GRAMD2B: variants seen among roughly 807,000 people sequenced by gnomAD.
GRAMD2B encodes the protein GRAM domain-containing protein 2B.
Under a neutral mutation model 59.2 loss-of-function variants are expected in GRAMD2B, and 41 were observed. The ratio of observed to expected loss-of-function variants is 0.69; its 90% CI spans 0.54 to 0.90. The LOEUF (loss-of-function observed/expected upper bound fraction) is 0.90, where lower values mean the gene tolerates loss of function less well. GRAMD2B is among the 40% of genes least tolerant of loss of function. The pLI, the probability that GRAMD2B is intolerant of heterozygous loss-of-function variation, is 0.00. For synonymous variants in GRAMD2B, 161 were observed against 182.7 expected (o/e 0.88, Z 0.96); for missense variants, 424 against 500.5 (o/e 0.85, Z 1.46).
At chr5:126,476,010 A>G (rs1455544481) in intron 5 of GRAMD2B, among the ~76,000 whole-genome samples, 1 of 152,080 alleles carries the variant, frequency 6.6e-6, no homozygotes, top group African/African-American at 2.4e-5. Flanking sequence ...AGGGAGGCTG[A>G]GGCAGGAGAA....
intron 1 of GRAMD2B, among the ~76,000 whole-genome samples, chr5:126,371,769 T>A (rs1388294093): frequency 6.6e-6 from 1 of 152,194 alleles, no homozygotes; most frequent in Non-Finnish European, 1.5e-5. Flanking sequence ...CAAATAGAAC[T>A]ATTATTACTA....
intron 1 of GRAMD2B, among the ~76,000 whole-genome samples, chr5:126,430,627 A>G (rs540768080): frequency 6.6e-6 from 1 of 152,318 alleles, no homozygotes; most frequent in African/African-American, 2.4e-5. Flanking sequence ...GCTTGATTTA[A>G]AGACAATTAG....
intron 1 of GRAMD2B, among the ~76,000 whole-genome samples, chr5:126,429,286 A>G (rs115654863): frequency 6.6e-6 from 1 of 152,154 alleles, no homozygotes; most frequent in Non-Finnish European, 1.5e-5. Flanking sequence ...TGCAGGAACA[A>G]AAAACGAAAT....
chr5:126,455,838 A>C (rs1009796958), intron 1 of GRAMD2B, among the ~76,000 whole-genome samples: 4 of 152,160 alleles, frequency 2.6e-5, no homozygotes, highest in African/African-American at 9.7e-5. Flanking sequence ...TCTTCCACAC[A>C]ACTTCTCTGA....
chr5:126,419,400 T>C (rs1182306878), upstream of GRAMD2B, among the ~76,000 whole-genome samples: 1 of 152,034 alleles, frequency 6.6e-6, no homozygotes, highest in Admixed American at 6.5e-5. Context: ...GAGAACTCTA[T>C]CACAAGACAG....
At chr5:126,373,312 A>T (rs921854910) in intron 1 of GRAMD2B, among the ~76,000 whole-genome samples, 3 of 152,264 alleles carry the variant, frequency 2.0e-5, no homozygotes, top group Non-Finnish European at 4.4e-5. Context: ...AGATAAAAAA[A>T]TAAGACCAGG....
At chr5:126,447,551 C>A (rs13174560) in intron 1 of GRAMD2B, among the ~76,000 whole-genome samples, 31,927 of 151,686 alleles carry the variant, frequency 0.21, 3,522 homozygotes, top group Non-Finnish European at 0.25. Flanking sequence ...GTAGTCCCAG[C>A]TACTCAGGAG....
intron 1 of GRAMD2B, among the ~76,000 whole-genome samples, chr5:126,396,248 G>A (rs28872483): frequency 6.6e-6 from 1 of 152,092 alleles, no homozygotes; most frequent in Admixed American, 6.5e-5. Flanking sequence ...TGACATGGGG[G>A]TTTGTTGTAC....
intron 3 of GRAMD2B, among the ~76,000 whole-genome samples, chr5:126,470,427 A>G (rs1338108533): frequency 6.6e-6 from 1 of 152,256 alleles, no homozygotes; most frequent in Non-Finnish European, 1.5e-5. Context: ...TATGAAATGT[A>G]TTAAAATATT....
At chr5:126,444,547 G>A (rs1244757284) in intron 1 of GRAMD2B, among the ~76,000 whole-genome samples, 2 of 152,148 alleles carry the variant, frequency 1.3e-5, no homozygotes, top group Non-Finnish European at 2.9e-5. Context: ...TTTGAGAGCT[G>A]ATTTTTGTAC....
At chr5:126,471,345 G>T (rs1450934666) in intron 3 of GRAMD2B, among the ~76,000 whole-genome samples, 1 of 152,184 alleles carries the variant, frequency 6.6e-6, no homozygotes, top group Non-Finnish European at 1.5e-5. Context: ...GAGTAGCTAG[G>T]ACTACAGGCA....
chr5:126,428,353 C>T (rs1184757578), intron 1 of GRAMD2B, among the ~76,000 whole-genome samples: 1 of 151,914 alleles, frequency 6.6e-6, no homozygotes. Context: ...AAATGGTATA[C>T]ATATTATATT....
At chr5:126,412,043 T>C (rs1758851150) in intron 1 of GRAMD2B, among the ~76,000 whole-genome samples, 2 of 152,236 alleles carry the variant, frequency 1.3e-5, no homozygotes, top group South Asian at 4.1e-4. Context: ...TATAGAATTA[T>C]ATCATCAGCA....
chr5:126,382,883 G>A (rs1042182456), intron 1 of GRAMD2B, among the ~76,000 whole-genome samples: 4 of 152,126 alleles, frequency 2.6e-5, no homozygotes, highest in African/African-American at 7.2e-5. Context: ...CCCACAGGGC[G>A]ATTCCTTGAT....
chr5:126,366,471 T>C (rs1754440813), upstream of GRAMD2B, among the ~76,000 whole-genome samples: 1 of 152,232 alleles, frequency 6.6e-6, no homozygotes, highest in Non-Finnish European at 1.5e-5. Context: ...AAGATCCTAA[T>C]CTTCATTGTC....
At position 126,472,212 on chromosome 5, in the gene GRAMD2B, ATGCTTGTATTT is replaced by A; in HGVS notation, c.316-23_316-13del. Reference sequence around the variant, plus strand: ...GTTTCACAAGAAAGTGAGAATGGTGATGCTTGTATTTTGTTCTCATTGTAGTACAAGGCCAA... The same window carrying A: ...GTTTCACAAGAAAGTGAGAATGGTGATGTTCTCATTGTAGTACAAGGCCAA... On this transcript the variant is annotated splice_polypyrimidine_tract_variant and intron_variant, in intron 3 of 13. Coordinates refer to ENST00000285689, the MANE Select transcript of GRAMD2B (RefSeq NM_023927.4). 1 of 1,567,988 alleles carries A rather than the reference ATGCTTGTATTT, an allele frequency of 6.4e-7. No individual in the cohort carries two copies. The highest frequency in any genetic ancestry group is 8.8e-7 in the Non-Finnish European group (1 of 1,141,402).
intron 1 of GRAMD2B, among the ~76,000 whole-genome samples, chr5:126,404,092 G>C (rs1758056619): frequency 6.6e-6 from 1 of 151,872 alleles, no homozygotes; most frequent in Admixed American, 6.6e-5. Context: ...CAATTGTGGT[G>C]CTATGGAAAT....
intron 9 of GRAMD2B, among the ~76,000 whole-genome samples, chr5:126,483,828 G>T (rs1335915210): frequency 6.6e-6 from 1 of 152,062 alleles, no homozygotes; most frequent in African/African-American, 2.4e-5. Flanking sequence ...CGTTGGGGTG[G>T]TTGAGAGAAA....
intron 8 of GRAMD2B, among the ~76,000 whole-genome samples, chr5:126,481,252 G>GA (rs1431609820): frequency 7.9e-6 from 1 of 126,118 alleles, no homozygotes; most frequent in Non-Finnish European, 1.7e-5. Context: ...AGAAAGAAAA[G>GA]AAAAAAAAAG....
Sources: allele counts gnomAD v4.1 joint callset (sites outside exome capture counted in the v4.1 genomes callset), GRCh38; gene constraint gnomAD v4.1.1; transcripts MANE v1.5; gene names NCBI Gene and HGNC (gene_info 2026-07-23, HGNC 2026-07-21).